TMEM94: variants seen among roughly 807,000 people sequenced by gnomAD.
TMEM94 encodes the protein transmembrane protein 94.
A neutral mutation model predicts 158.6 loss-of-function variants in TMEM94; 81 were observed. The observed-to-expected ratio is 0.51, with a 90% CI of 0.43 to 0.61. The LOEUF (loss-of-function observed/expected upper bound fraction) is 0.61. TMEM94 is among the 20% of genes least tolerant of loss of function. The pLI is 0.00. For synonymous variants in TMEM94, 751 were observed against 730.7 expected (o/e 1.03, Z -0.45); for missense variants, 1,435 against 1,762.0 (o/e 0.81, Z 3.32).
chr17:75,495,075 G>GGGC lies in TMEM94; in HGVS notation c.2728+41_2728+42insGGC. On this transcript the variant is annotated intron_variant, in intron 20 of 31. Transcript: ENST00000314256. This position sits in a 1 kb window ranked among gnomAD's most constrained non-coding sequence, Gnocchi z 5.6. Reference sequence around the variant, plus strand: ...TGGGGTGGGGACGGGGTGGCGGTGGGAGGATTCCCCTCCTCAGAGCCACAG... The same window carrying GGGC: ...TGGGGTGGGGACGGGGTGGCGGTGGGGGCAGGATTCCCCTCCTCAGAGCCACAG... The GGGC allele has an allele frequency of 1.9e-5, 20 of 1,037,320 alleles. No homozygotes were observed. Among genetic ancestry groups the GGGC allele is most frequent in the East Asian group, 3.0e-5 (1 of 32,940 alleles). 64.3% of individuals were successfully genotyped at this position (1,037,320 alleles called of 1,614,324 possible).
chr17:75,467,277 G>A (rs1472966952), intron 1 of TMEM94, among the ~76,000 whole-genome samples: 1 of 151,346 alleles, frequency 6.6e-6, no homozygotes, highest in Non-Finnish European at 1.5e-5. Flanking sequence ...ACCCAGCCAT[G>A]CTGTTTTTAT....
At chr17:75,476,506 C>A in intron 2 of TMEM94, 5 of 1,385,830 alleles carry the variant, frequency 3.6e-6, no homozygotes, top group Non-Finnish European at 9.3e-7. Context: ...CTGAATTAAT[C>A]AGCAGATTGA....
At chr17:75,474,417 G>C (rs2050600475) in intron 2 of TMEM94, among the ~76,000 whole-genome samples, 1 of 152,188 alleles carries the variant, frequency 6.6e-6, no homozygotes, top group African/African-American at 2.4e-5. Context: ...AAGGTGGGCA[G>C]ATCACCTAAG....
Position 75,485,313 on chromosome 17 carries a change from G to A in TMEM94, c.25-115G>A. 2.5e-6 allele frequency: 3 copies of A among 1,211,192 alleles called. No individual in the cohort carries two copies. The highest frequency in any genetic ancestry group is 3.5e-6 in the Non-Finnish European group (3 of 865,746). The allele number at this position is 1,211,192 out of a possible 1,614,324, so 75.0% of individuals were successfully genotyped here. A position where few individuals can be genotyped will look rare whatever the true frequency, so the allele number is the denominator to read the frequency against. On this transcript the variant is annotated intron_variant, in intron 2 of 31. Coordinates refer to ENST00000314256, the MANE Select transcript of TMEM94 (RefSeq NM_014738.6). The surrounding 1 kb of genome is among the most constrained non-coding windows in gnomAD (Gnocchi z 5.5). ...CCAGAGCTGGTAGGGGAAGAGATGT[G>A]AGGATCCCAGAGGAGGGGAAGGATG... is the stretch of plus-strand genomic sequence containing the variant.
At chr17:75,476,421 C>T in intron 2 of TMEM94, 1 of 1,022,402 alleles carries the variant, frequency 9.8e-7, no homozygotes, top group Non-Finnish European at 1.3e-6. Flanking sequence ...CTTTCCTCTT[C>T]TCCCCTCCCT....
intron 1 of TMEM94, among the ~76,000 whole-genome samples, chr17:75,463,032 AAAAAAATATATAT>A (rs1417779068): frequency 0.015 from 90 of 5,888 alleles, no homozygotes; most frequent in Non-Finnish European, 0.027. Flanking sequence ...AAAAAAAAAA[AAAAAAATATATAT>A]ATATATATAT....
chr17:75,487,520 GA>G lies in TMEM94; in HGVS notation c.410-411del, dbSNP rs2051725211. 1 of 169,046 alleles carries G rather than the reference GA, an allele frequency of 5.9e-6. No homozygotes were observed. Among genetic ancestry groups the G allele is most frequent in the Non-Finnish European group, 1.3e-5 (1 of 78,668 alleles). 10.5% of individuals were successfully genotyped at this position (169,046 alleles called of 1,614,324 possible). ...CTCTTCTGGACTCCTGCAGCACAGGGATCTTTGTTAATGCTTAGCCGTGTTT... is the reference window on the plus strand; with the variant it reads ...CTCTTCTGGACTCCTGCAGCACAGGGTCTTTGTTAATGCTTAGCCGTGTTT... On this transcript the variant is annotated intron_variant, in intron 5 of 31. Coordinates refer to ENST00000314256, the MANE Select transcript of TMEM94 (RefSeq NM_014738.6). The surrounding 1 kb of genome is among the most constrained non-coding windows in gnomAD (Gnocchi z 4.6).
chr17:75,475,534 C>T (rs2050651011), intron 2 of TMEM94, among the ~76,000 whole-genome samples: 1 of 152,246 alleles, frequency 6.6e-6, no homozygotes. Flanking sequence ...CTCCCCATGC[C>T]TCGGCCCCTG....
intron 2 of TMEM94, among the ~76,000 whole-genome samples, chr17:75,484,816 C>A (rs1046905239): frequency 6.6e-6 from 1 of 152,062 alleles, no homozygotes; most frequent in Non-Finnish European, 1.5e-5. Flanking sequence ...GCGGGCAGAT[C>A]ACTTGAGGTC....
At chr17:75,461,336 A>G (rs369393753) in intron 1 of TMEM94, among the ~76,000 whole-genome samples, 2 of 151,106 alleles carry the variant, frequency 1.3e-5, no homozygotes, top group East Asian at 4.0e-4. Flanking sequence ...CTGACCCCAG[A>G]TGATCCGCCT....
Position 75,490,826 on chromosome 17 carries a change from T to TTA in TMEM94, c.1128+70_1128+71dup. 1.0e-5 allele frequency: 15 copies of TTA among 1,453,734 alleles called. 1 individual carries two copies. In the South Asian group the frequency reaches 1.7e-4, roughly 17 times the overall value. The allele number at this position is 1,453,734 out of a possible 1,614,324, so 90.1% of individuals were successfully genotyped here. A position where few individuals can be genotyped will look rare whatever the true frequency, so the allele number is the denominator to read the frequency against. On this transcript the variant is annotated intron_variant, in intron 11 of 31. Transcript: ENST00000314256. ...AGCCATAACCCTGGGACTCCCCTAT[T>TTA]TATGGCCTTAAAGCCTCCAACCAGG...
Position 75,495,791 on chromosome 17 carries a change from G to A in TMEM94, c.2944+148G>A, listed in dbSNP as rs2052622499. ...GGGCTGGGATCAGCTGGGGAATCTT[G>A]TGGGTTGGAGTCAGAAGTGCCGATG... On this transcript the variant is annotated intron_variant, in intron 22 of 31. Transcript: ENST00000314256. The surrounding 1 kb of genome is among the most constrained non-coding windows in gnomAD (Gnocchi z 5.6). The A allele has an allele frequency of 3.5e-6, 3 of 866,630 alleles. No homozygotes were observed. The East Asian group carries it at 7.7e-5, about 22-fold the overall frequency. 53.7% of individuals were successfully genotyped at this position (866,630 alleles called of 1,614,324 possible). A position where few individuals can be genotyped will look rare whatever the true frequency, so the allele number is the denominator to read the frequency against.
At position 75,492,195 on chromosome 17, in the gene TMEM94, TC is replaced by T. The variant is rs1177688849; in HGVS notation, c.1597-276del. The T allele has an allele frequency of 2.6e-5, 34 of 1,297,232 alleles. No individual in the cohort carries two copies. Among genetic ancestry groups the T allele is most frequent in the Non-Finnish European group, 3.3e-5 (32 of 978,744 alleles). 80.4% of individuals were successfully genotyped at this position (1,297,232 alleles called of 1,614,324 possible). A position where few individuals can be genotyped will look rare whatever the true frequency, so the allele number is the denominator to read the frequency against. On this transcript the variant is annotated intron_variant, in intron 14 of 31. Transcript: ENST00000314256. This position sits in a 1 kb window ranked among gnomAD's most constrained non-coding sequence, Gnocchi z 4.4. ...AGAGATGTTCCCTGGCCACAGAAGA[TC>T]CCTCAACTGTGTCCTCTTTGGTCTG...
At chr17:75,461,297 G>C (rs1413272922) in intron 1 of TMEM94, among the ~76,000 whole-genome samples, 1 of 151,418 alleles carries the variant, frequency 6.6e-6, no homozygotes, top group South Asian at 2.1e-4. Context: ...CCGGGGTTTC[G>C]CCATGTTGGC....
At chr17:75,465,619 T>C (rs1481312648) in intron 1 of TMEM94, among the ~76,000 whole-genome samples, 1 of 126,390 alleles carries the variant, frequency 7.9e-6, no homozygotes, top group Non-Finnish European at 1.6e-5. Context: ...ATTTTAAAAT[T>C]GGGTTGTTGG....
intron 2 of TMEM94, among the ~76,000 whole-genome samples, chr17:75,474,134 T>C (rs762007222): frequency 2.6e-5 from 4 of 151,654 alleles, no homozygotes; most frequent in Non-Finnish European, 4.4e-5. Flanking sequence ...ACAAAATGGA[T>C]AGTACAAGCA....
Position 75,488,805 on chromosome 17 carries a change from T to C in TMEM94, c.659T>C (p.Phe220Ser). 2 of 1,613,170 alleles carry C rather than the reference T, an allele frequency of 1.2e-6. No homozygotes were observed. Among genetic ancestry groups the C allele is most frequent in the Middle Eastern group, 1.7e-4 (1 of 6,056 alleles). Residue 220 changes from phenylalanine (F) to serine (S), a missense_variant, in exon 7 of 32, where the codon TTC becomes TCC. This residue lies in a region of TMEM94 where 1,051 missense variants were observed against 1,254.4 expected (regional missense o/e 0.84). Transcript: ENST00000314256. ...GAGCCGGGAGACCTCTTCCCCCCCTTCTCCCCTCCACCCTCACCCCGGGGA... is the reference window on the plus strand; with the variant it reads ...GAGCCGGGAGACCTCTTCCCCCCCTCCTCCCCTCCACCCTCACCCCGGGGA... The part of the protein sequence containing the change: ...VLEPGDLFPP[F>S]SPPPSPRGEV...
At chr17:75,472,035 A>G (rs2050520475) in intron 2 of TMEM94, 106 bp downstream of exon 2, 2 of 1,137,622 alleles carry the variant, frequency 1.8e-6, no homozygotes, top group Non-Finnish European at 2.6e-6. Flanking sequence ...TTTAAACAAA[A>G]GTTGAGAGAG....
At chr17:75,494,835 C>A in intron 19 of TMEM94, 27 bp downstream of exon 19, 1 of 1,612,940 alleles carries the variant, frequency 6.2e-7, no homozygotes, top group Non-Finnish European at 8.5e-7. Context: ...CTTCTGCCAC[C>A]ACTAACTCTG....
Sources: gnomAD v4.1 joint callset for allele counts (sites outside exome capture counted in the v4.1 genomes callset) on GRCh38, gnomAD v4.1.1 for gene constraint, gnomAD v4.1.1 regional missense constraint, Gnocchi (gnomAD v3.1) non-coding constraint, MANE v1.5 for transcripts, NCBI Gene and HGNC (gene_info 2026-07-23, HGNC 2026-07-21) for gene names.